CEP70: variants seen among roughly 807,000 people sequenced by gnomAD.
CEP70 encodes centrosomal protein 70, also known as centrosomal protein of 70 kDa.
Under a neutral mutation model 90.9 loss-of-function variants are expected in CEP70, and 70 were observed. That is an observed-to-expected ratio of 0.77 (90% confidence interval 0.64 to 0.94). The LOEUF (loss-of-function observed/expected upper bound fraction) is 0.94. Among genes scored for constraint, CEP70 ranks in the 40% least tolerant of loss-of-function variants. The pLI, the probability that CEP70 is intolerant of heterozygous loss-of-function variation, is 0.00. For missense variants in CEP70, 648 were observed against 669.0 expected (o/e 0.97, Z 0.35); for synonymous variants, 220 against 228.3 (o/e 0.96, Z 0.33).
intron 17 of CEP70, chr3:138,496,622 G>GT (rs2033974514): frequency 1.0e-6 from 1 of 985,250 alleles, no homozygotes; most frequent in Non-Finnish European, 1.2e-6. Flanking sequence ...AGAATGGATT[G>GT]TTTTTTTACT....
intron 6 of CEP70, among the ~76,000 whole-genome samples, chr3:138,558,125 G>A (rs1225756380): frequency 2.6e-5 from 4 of 152,190 alleles, no homozygotes; most frequent in African/African-American, 4.8e-5. Flanking sequence ...AGCACTTTGC[G>A]AGGCCGAGGC....
At chr3:138,564,781 C>G (rs542937499) in intron 6 of CEP70, among the ~76,000 whole-genome samples, 1 of 152,008 alleles carries the variant, frequency 6.6e-6, no homozygotes, top group African/African-American at 2.4e-5. Flanking sequence ...CTTTGAAAAC[C>G]AGCACAAAAC....
Position 138,496,445 on chromosome 3 carries a change from G to A in CEP70, c.1733-1369C>T, listed in dbSNP as rs113406164. ...TTGTTTACAATTCCCTTACATTGTGGTAAGGTACAAGATCAAGGTATTCCC... is the reference window on the plus strand; with the variant it reads ...TTGTTTACAATTCCCTTACATTGTGATAAGGTACAAGATCAAGGTATTCCC... On this transcript the variant is annotated intron_variant, in intron 17 of 17. Coordinates refer to ENST00000264982, the MANE Select transcript of CEP70 (RefSeq NM_024491.4). 100 of 985,374 alleles carry A rather than the reference G, an allele frequency of 1.0e-4. 2 individuals are homozygous for A. The African/African-American group carries it at 1.4e-3, about 14-fold the overall frequency. 61.0% of individuals were successfully genotyped at this position (985,374 alleles called of 1,614,324 possible).
chr3:138,504,232 A>T (rs977034753), intron 13 of CEP70, among the ~76,000 whole-genome samples: 2 of 152,200 alleles, frequency 1.3e-5, no homozygotes, highest in African/African-American at 2.4e-5. Context: ...TCTATAAAGT[A>T]AGTATATTAA....
In CEP70 at chr3:138,502,881, A is replaced by G. The variant is rs142500157; in HGVS notation, c.1222-2000T>C. ...CTGAAGCACTGGAGAATAGCAAAGCAAAAGTATTCAAGAGTGTACTGGGTT... is the reference window on the plus strand; with the variant it reads ...CTGAAGCACTGGAGAATAGCAAAGCGAAAGTATTCAAGAGTGTACTGGGTT... On this transcript the variant is annotated intron_variant, in intron 13 of 17. Transcript: ENST00000264982. Among the ~76,000 whole-genome samples, 1,074 of 152,280 alleles carry G rather than the reference A, an allele frequency of 7.1e-3. 12 individuals carry two copies. The highest frequency in any genetic ancestry group is 0.025 in the African/African-American group (1,028 of 41,546).
At chr3:138,592,076 C>CG in intron 1 of CEP70, 120 bp from the exon 2 acceptor site, 1 of 513,926 alleles carries the variant, frequency 1.9e-6, no homozygotes, top group Non-Finnish European at 3.4e-6. Context: ...ATAAAGCAGG[C>CG]ACAACTGAAA....
intron 11 of CEP70, among the ~76,000 whole-genome samples, chr3:138,515,922 A>C (rs1362713021): frequency 6.6e-6 from 1 of 152,142 alleles, no homozygotes; most frequent in Non-Finnish European, 1.5e-5. Context: ...TTCAAGGTTA[A>C]AACTCGGGAG....
rs77135564 is a variant in CEP70, at chr3:138,516,410, G to A, written c.945-7866C>T. 7.4e-3 allele frequency among the ~76,000 whole-genome samples: 1,129 copies of A among 152,206 alleles called. 18 individuals are homozygous for A. The highest frequency in any genetic ancestry group is 0.025 in the African/African-American group (1,058 of 41,534). ...TGGGGGGACGGGGGGTGGAGGGACA[G>A]GGTCTTGCTCTGTTGCCCAGGCTGG... On this transcript the variant is annotated intron_variant, in intron 11 of 17. Coordinates refer to ENST00000264982, the MANE Select transcript of CEP70 (RefSeq NM_024491.4).
intron 2 of CEP70, 181 bp from the exon 3 acceptor site, chr3:138,573,113 G>T (rs1477472355): frequency 5.1e-6 from 3 of 584,480 alleles, no homozygotes; most frequent in Admixed American, 3.1e-5. Context: ...ATAGCTGATT[G>T]TAAGACTCAT....
rs78694858 is a variant in CEP70 at position 138,509,579 on chromosome 3, C to T, written c.945-1035G>A. On this transcript the variant is annotated intron_variant, in intron 11 of 17. Transcript: ENST00000264982. The stretch of plus-strand genomic sequence containing the variant: ...CCTCCTCATGGCTTTGAAAACAGTA[C>T]AGTAGTACACGCTGATCCGTAGTTT... Among the ~76,000 whole-genome samples the T allele has an allele frequency of 6.1e-3, 926 of 152,246 alleles. 9 individuals carry two copies. Among genetic ancestry groups the T allele is most frequent in the African/African-American group, 0.021 (885 of 41,518 alleles).
chr3:138,500,052 G>T (rs777481482), intron 16 of CEP70, 58 bp downstream of exon 16: 3 of 1,143,148 alleles, frequency 2.6e-6, no homozygotes, highest in Non-Finnish European at 4.0e-6. Flanking sequence ...GACTACAGGC[G>T]TGTGCCACCA....
At chr3:138,535,292 T>TA (rs914127017) in intron 7 of CEP70, among the ~76,000 whole-genome samples, 22 of 152,312 alleles carry the variant, frequency 1.4e-4, no homozygotes, top group African/African-American at 5.3e-4. Flanking sequence ...GTAGTCCAGC[T>TA]AAAAAGATAA....
At chr3:138,513,979 T>C (rs2035772064) in intron 11 of CEP70, among the ~76,000 whole-genome samples, 1 of 152,026 alleles carries the variant, frequency 6.6e-6, no homozygotes, top group South Asian at 2.1e-4. Context: ...CAAACTCAAT[T>C]TTCTCTGGTT....
chr3:138,581,714 A>G (rs1345404473), intron 2 of CEP70, among the ~76,000 whole-genome samples: 2 of 150,548 alleles, frequency 1.3e-5, no homozygotes, highest in South Asian at 2.1e-4. Context: ...AAAAAAAAAA[A>G]AGAATAAGAA....
chr3:138,500,097 T>C lies in CEP70; in HGVS notation c.1652+13A>G. The C allele has an allele frequency of 6.4e-7, 1 of 1,563,946 alleles. No homozygotes were observed. On this transcript the variant is annotated intron_variant, in intron 16 of 17. Transcript: ENST00000264982. ...ATTCTGGATGATACTTTGTAAACTT[T>C]TAAAACAAATACCTCTGGAGGTCTT... is the stretch of plus-strand genomic sequence containing the variant.
intron 2 of CEP70, among the ~76,000 whole-genome samples, chr3:138,573,514 C>T (rs2041323605): frequency 6.6e-6 from 1 of 151,856 alleles, no homozygotes; most frequent in South Asian, 2.1e-4. Context: ...ATAATAAAGG[C>T]AAAAGTAATA....
At chr3:138,515,246 C>T (rs1170243801) in intron 11 of CEP70, among the ~76,000 whole-genome samples, 3 of 152,006 alleles carry the variant, frequency 2.0e-5, no homozygotes, top group African/African-American at 7.2e-5. Context: ...CTGTATGTTT[C>T]TATTTAAAGA....
Position 138,572,892 on chromosome 3 carries a change from ACTGG to A in CEP70, c.32_35del (p.Ser11PhefsTer8). The A allele has an allele frequency of 6.2e-7, 1 of 1,611,028 alleles. No homozygotes were observed. The highest frequency in any genetic ancestry group is 8.5e-7 in the Non-Finnish European group (1 of 1,177,684). ...CAGTCATGAGTCTGTCTGATGGTTG[ACTGG>A]AATCCTGGGGTTTAGGGGCTACCGG... On this transcript the variant is annotated frameshift_variant, in exon 3 of 18. Transcript: ENST00000264982. LOFTEE classifies it high-confidence loss of function.
At chr3:138,508,397 G>A (rs753707710) in intron 12 of CEP70, 42 bp downstream of exon 12, 2 of 1,262,670 alleles carry the variant, frequency 1.6e-6, no homozygotes, top group South Asian at 1.2e-5. Context: ...CAAGATTCAT[G>A]ACAAACATCA....
Sources: allele counts gnomAD v4.1 joint callset (sites outside exome capture counted in the v4.1 genomes callset), GRCh38; gene constraint gnomAD v4.1.1; transcripts MANE v1.5; gene names NCBI Gene and HGNC (gene_info 2026-07-23, HGNC 2026-07-21).